The following ARAP1 variants were observed in gnomAD, a reference collection of about 807,000 sequenced individuals.
The protein encoded by ARAP1 is ArfGAP with RhoGAP domain, ankyrin repeat and PH domain 1.
Under a neutral mutation model 172.2 loss-of-function variants are expected in ARAP1, and 76 were observed. The ratio of observed to expected loss-of-function variants is 0.44; its 90% CI spans 0.37 to 0.53. ARAP1 has a LOEUF of 0.53. Among genes scored for constraint, ARAP1 ranks in the 20% least tolerant of loss-of-function variants. The pLI is 0.00. For missense variants in ARAP1, 1,686 were observed against 1,977.5 expected (o/e 0.85, Z 2.80); for synonymous variants, 804 against 803.3 (o/e 1.00, Z -0.01).
rs775049210 is a variant in ARAP1, at chr11:72,697,930, T to C, written c.2718A>G (p.Leu906=). ...ACGCACAAAGCTCCTGCAGTTTCCG[T>C]AGTTGCAGCGGCTCTTCGCAGGGCC... ...PEGPCEEPLQ[L]RKLQELSIQG... is the part of the protein sequence containing the mutation. Residue 906 remains leucine (L), a synonymous_variant, in exon 19 of 35, where the codon CTA becomes CTG. Transcript: ENST00000393609. The C allele has an allele frequency of 6.9e-6, 11 of 1,605,160 alleles. No individual in the cohort carries two copies. The African/African-American group carries it at 1.2e-4, about 18-fold the overall frequency.
chr11:72,693,612 T>C lies in ARAP1; in HGVS notation c.3808+80A>G, dbSNP rs1856036770. On this transcript the variant is annotated intron_variant, in intron 28 of 34. Coordinates refer to ENST00000393609, the MANE Select transcript of ARAP1 (RefSeq NM_001040118.3). The surrounding 1 kb of genome is among the most constrained non-coding windows in gnomAD (Gnocchi z 4.6). The stretch of plus-strand genomic sequence containing the variant: ...TGGCGCCCTCTGTCTGAGCTGTTCC[T>C]ACCTGGCACCACCAGGTCCCACCCT... 1 of 1,531,366 alleles carries C rather than the reference T, an allele frequency of 6.5e-7. No individual in the cohort carries two copies. The highest frequency in any genetic ancestry group is 1.2e-5 in the South Asian group (1 of 81,330). 94.9% of individuals were successfully genotyped at this position (1,531,366 alleles called of 1,614,324 possible). A position where few individuals can be genotyped will look rare whatever the true frequency, so the allele number is the denominator to read the frequency against.
At chr11:72,708,203 T>C (rs1856851205) in intron 11 of ARAP1, 1 of 152,146 alleles carries the variant, frequency 6.6e-6, no homozygotes, top group South Asian at 2.1e-4. Flanking sequence ...GCATCGCTGC[T>C]GGAGGTGTGA....
In ARAP1 at chr11:72,693,452, G is replaced by C. The variant is rs1386417270; in HGVS notation, c.3827C>G (p.Thr1276Ser). 1.9e-6 allele frequency: 3 copies of C among 1,613,452 alleles called. No homozygotes were observed. The highest frequency in any genetic ancestry group is 2.5e-6 in the Non-Finnish European group (3 of 1,179,624). The change falls in exon 29 of 35, where the codon ACC (threonine) becomes AGC (serine). Residue 1276 changes from threonine to serine, a missense_variant. By Grantham distance (58) the Thr-to-Ser change is moderately conservative (BLOSUM62 1). Coordinates refer to ENST00000393609, the MANE Select transcript of ARAP1 (RefSeq NM_001040118.3). The surrounding 1 kb of genome is among the most constrained non-coding windows in gnomAD (Gnocchi z 4.6). ...LLYLASRVGDTKHGMMKFRED... is the reference protein window; with the variant it reads ...LLYLASRVGDSKHGMMKFRED... ...ACGGAACTTCATCATGCCATGCTTGGTGTCACCGACACGGCTGGCTGGGGG... is the reference window on the plus strand; with the variant it reads ...ACGGAACTTCATCATGCCATGCTTGCTGTCACCGACACGGCTGGCTGGGGG...
At chr11:72,704,094 CA>C in intron 14 of ARAP1, 57 bp downstream of exon 14, 1 of 1,604,342 alleles carries the variant, frequency 6.2e-7, no homozygotes, top group Non-Finnish European at 8.5e-7. Context: ...GCATGAGGAA[CA>C]GGGCAGCAGA....
chr11:72,707,526 G>T, intron 11 of ARAP1, 152 bp from the exon 12 acceptor site: 1 of 693,508 alleles, frequency 1.4e-6, no homozygotes, highest in Non-Finnish European at 2.3e-6. Flanking sequence ...AGGTAGGTGT[G>T]GACAAAGGCA....
chr11:72,709,732 A>G, intron 11 of ARAP1, 138 bp downstream of exon 11: 1 of 838,444 alleles, frequency 1.2e-6, no homozygotes, highest in Non-Finnish European at 2.0e-6. Context: ...GTGACGGGAG[A>G]GGGGCTCCAC....
Position 72,687,775 on chromosome 11 carries a change from A to C in ARAP1, c.4071-37T>G, listed in dbSNP as rs763991166. 1.9e-6 allele frequency: 3 copies of C among 1,611,884 alleles called. No homozygotes were observed. The African/African-American group carries it at 4.0e-5, about 22-fold the overall frequency. ...GAAGGGAGAGAGTTGGGTGTTTGAC[A>C]GGCCATAGAGGCTCAACACCCCAGT... On this transcript the variant is annotated intron_variant, in intron 31 of 34. Coordinates refer to ENST00000393609, the MANE Select transcript of ARAP1 (RefSeq NM_001040118.3).
Position 72,685,331 on chromosome 11 carries a change from C to T in ARAP1, c.*333G>A, listed in dbSNP as rs1471415140. 1.8e-5 allele frequency: 7 copies of T among 387,764 alleles called. No individual in the cohort carries two copies. The highest frequency in any genetic ancestry group is 1.4e-3 in the Middle Eastern group (2 of 1,382). The allele number at this position is 387,764 out of a possible 1,614,324, so 24.0% of individuals were successfully genotyped here. On this transcript the variant is annotated 3_prime_UTR_variant, in exon 35 of 35. Coordinates refer to ENST00000393609, the MANE Select transcript of ARAP1 (RefSeq NM_001040118.3). ...CTTCCGGCAGGGCCCCAGGGCCTCA[C>T]GCCTCTGAAAGGGTGGTGGTCCTCC...
chr11:72,727,467 C>A (rs924780481), intron 2 of ARAP1, among the ~76,000 whole-genome samples: 10 of 152,230 alleles, frequency 6.6e-5, no homozygotes, highest in African/African-American at 2.4e-4. Flanking sequence ...CACACCCCAA[C>A]ACACAGCCTT....
At chr11:72,749,406 A>G (rs1209557188) in intron 1 of ARAP1, among the ~76,000 whole-genome samples, 4 of 152,178 alleles carry the variant, frequency 2.6e-5, no homozygotes, top group African/African-American at 9.7e-5. Flanking sequence ...AAACTTTACA[A>G]CAGTGCTATA....
chr11:72,729,210 T>G (rs1407016073), intron 2 of ARAP1, among the ~76,000 whole-genome samples: 1 of 152,326 alleles, frequency 6.6e-6, no homozygotes, highest in East Asian at 1.9e-4. Context: ...GGGACAGCTG[T>G]GGAGTGCTCT....
chr11:72,695,472 C>T lies in ARAP1; in HGVS notation c.3508-17G>A. The T allele has an allele frequency of 6.2e-7, 1 of 1,614,242 alleles. No homozygotes were observed. Among genetic ancestry groups the T allele is most frequent in the Non-Finnish European group, 8.5e-7 (1 of 1,180,038 alleles). ...ACCGGCATGCTGCAGGGAGACAGGG[C>T]TCAGCTGGGGGCCTAGGAAATGGGT... is the stretch of plus-strand genomic sequence containing the variant. On this transcript the variant is annotated splice_polypyrimidine_tract_variant and intron_variant, in intron 25 of 34. Transcript: ENST00000393609. This position sits in a 1 kb window ranked among gnomAD's most constrained non-coding sequence, Gnocchi z 4.4.
intron 3 of ARAP1, among the ~76,000 whole-genome samples, chr11:72,723,367 G>T (rs972495079): frequency 7.2e-5 from 11 of 152,126 alleles, no homozygotes; most frequent in African/African-American, 2.7e-4. Flanking sequence ...CTCTGGGGGT[G>T]ATGTAGAGTC....
Position 72,699,609 on chromosome 11 carries a change from C to T in ARAP1, c.2303-57G>A. On this transcript the variant is annotated intron_variant, in intron 16 of 34. Coordinates refer to ENST00000393609, the MANE Select transcript of ARAP1 (RefSeq NM_001040118.3). This position sits in a 1 kb window ranked among gnomAD's most constrained non-coding sequence, Gnocchi z 4.2. ...GGAGCCCCCCACCACCTGAAAACCA[C>T]CTCTGCATCCTCCCGGGGCTCCTGC... The T allele has an allele frequency of 6.4e-7, 1 of 1,567,378 alleles. No individual in the cohort carries two copies. The highest frequency in any genetic ancestry group is 1.2e-5 in the South Asian group (1 of 85,972).
Position 72,685,422 on chromosome 11 carries a change from G to A in ARAP1, c.*242C>T. On this transcript the variant is annotated 3_prime_UTR_variant, in exon 35 of 35. Coordinates refer to ENST00000393609, the MANE Select transcript of ARAP1 (RefSeq NM_001040118.3). Reference sequence around the variant, plus strand: ...ACAGTGAACCCGGTGGGGTGAGCAGGTTGGGCCAAGAGGTCTGAACACCTG... The same window carrying A: ...ACAGTGAACCCGGTGGGGTGAGCAGATTGGGCCAAGAGGTCTGAACACCTG... 2 of 584,084 alleles carry A rather than the reference G, an allele frequency of 3.4e-6. No individual in the cohort carries two copies. Among genetic ancestry groups the A allele is most frequent in the South Asian group, 2.0e-5 (1 of 49,696 alleles). 36.2% of individuals were successfully genotyped at this position (584,084 alleles called of 1,614,324 possible). A position where few individuals can be genotyped will look rare whatever the true frequency, so the allele number is the denominator to read the frequency against.
chr11:72,727,037 C>T lies in ARAP1; in HGVS notation c.92G>A (p.Gly31Asp), dbSNP rs1317339588. The T allele has an allele frequency of 3.1e-6, 5 of 1,609,918 alleles. No homozygotes were observed. Among genetic ancestry groups the T allele is most frequent in the Non-Finnish European group, 3.4e-6 (4 of 1,178,300 alleles). ...EQYTGLFEQH[G>D]LVWATECQGL... Reference sequence around the variant, plus strand: ...TTGGCACTCAGTGGCCCACACCAGGCCATGCTGCTCAAAGAGCCCCGTGTA... The same window carrying T: ...TTGGCACTCAGTGGCCCACACCAGGTCATGCTGCTCAAAGAGCCCCGTGTA... The change falls in exon 3 of 35, where the codon GGC (glycine) becomes GAC (aspartate). Residue 31 changes from glycine (G) to aspartate (D), a missense_variant. Transcript: ENST00000393609.
At chr11:72,696,704 C>T in intron 22 of ARAP1, 50 bp from the exon 23 acceptor site, 1 of 1,465,730 alleles carries the variant, frequency 6.8e-7, no homozygotes, top group Non-Finnish European at 9.3e-7. Flanking sequence ...ACTATCTTCC[C>T]CCCACCCCGC....
chr11:72,714,257 C>T lies in ARAP1; in HGVS notation c.574G>A (p.Glu192Lys), dbSNP rs759438209. ...TGGGGGAGGGTGGACAGGGGCTCCT[C>T]AGACTGTGGCTGGGGAGGGGATGAT... ...SLSSPPQPQSEEPLSTLPQGP... is the reference protein window; with the variant it reads ...SLSSPPQPQSKEPLSTLPQGP... Residue 192 changes from glutamate (E) to lysine (K), a missense_variant, in exon 4 of 35, where the codon GAG (glutamate) becomes AAG (lysine). Physicochemically the swap from Glu to Lys is moderately conservative, Grantham distance 56. Around this residue, in one of 5 missense-constraint regions of ARAP1, gnomAD observed 155 missense variants for 129.2 expected, o/e 1.20. Transcript: ENST00000393609. 5.2e-6 allele frequency: 8 copies of T among 1,541,884 alleles called. No individual in the cohort carries two copies. In the Admixed American group the frequency reaches 1.0e-4, roughly 20 times the overall value.
rs1858190844 is a variant in ARAP1 at position 72,741,275 on chromosome 11, C to T, written c.-127-8678G>A. Among the ~76,000 whole-genome samples the T allele has an allele frequency of 6.6e-6, 1 of 152,088 alleles. No homozygotes were observed. On this transcript the variant is annotated intron_variant, in intron 1 of 34. Transcript: ENST00000393609. This position sits in a 1 kb window ranked among gnomAD's most constrained non-coding sequence, Gnocchi z 4.5. Reference sequence around the variant, plus strand: ...CCCTGCAACCAGGACATACTCTAGCCCACCGGGCTCATCTAATACATGGCA... The same window carrying T: ...CCCTGCAACCAGGACATACTCTAGCTCACCGGGCTCATCTAATACATGGCA...
Sources: allele counts gnomAD v4.1 joint callset (sites outside exome capture counted in the v4.1 genomes callset), GRCh38; gene constraint gnomAD v4.1.1; regional missense constraint gnomAD v4.1.1; non-coding constraint Gnocchi (gnomAD v3.1); transcripts MANE v1.5; gene names NCBI Gene and HGNC (gene_info 2026-07-23, HGNC 2026-07-21).